DNAH12: variants seen among roughly 807,000 people sequenced by gnomAD.
DNAH12 encodes axonemal beta dynein heavy chain 12.
Under a neutral mutation model 371.5 loss-of-function variants are expected in DNAH12, and 285 were observed. That is an observed-to-expected ratio of 0.77 (90% CI 0.70 to 0.85). The LOEUF is 0.85. Among genes scored for constraint, DNAH12 ranks in the 40% least tolerant of loss-of-function variants. The probability of loss-of-function intolerance (pLI) is 0.00; values close to 1 mark genes in which losing one functional copy is unlikely to be tolerated. For synonymous variants in DNAH12, 1,200 were observed against 1,213.0 expected, an observed-to-expected ratio of 0.99 and a Z score of 0.22; for missense variants, 3,611 against 3,689.4, an observed-to-expected ratio of 0.98 and a Z score of 0.55.
chr3:57,317,748 T>C (rs184605361), intron 65 of DNAH12, among the ~76,000 whole-genome samples: 17 of 152,310 alleles, frequency 1.1e-4, no homozygotes. Context: ...GTCTCCATAC[T>C]GTTTTCCTTA....
At chr3:57,381,514 G>A (rs1021574934) in intron 50 of DNAH12, among the ~76,000 whole-genome samples, 1 of 152,006 alleles carries the variant, frequency 6.6e-6, no homozygotes, top group Non-Finnish European at 1.5e-5. Context: ...CTTATTGTTT[G>A]TGAGGCTTTA....
intron 29 of DNAH12, among the ~76,000 whole-genome samples, chr3:57,440,157 C>T (rs2153368589): frequency 6.6e-6 from 1 of 152,182 alleles, no homozygotes; most frequent in Non-Finnish European, 1.5e-5. Context: ...ACCATTTGAC[C>T]CAGCAATCCC....
At chr3:57,492,395 G>A (rs2067157885) in intron 11 of DNAH12, among the ~76,000 whole-genome samples, 2 of 151,636 alleles carry the variant, frequency 1.3e-5, no homozygotes, top group Admixed American at 6.6e-5. Context: ...AGGAAGCGGA[G>A]GTTGTGGTGA....
At chr3:57,525,928 A>AT in intron 2 of DNAH12, among the ~76,000 whole-genome samples, 1 of 151,682 alleles carries the variant, frequency 6.6e-6, no homozygotes, top group Non-Finnish European at 1.5e-5. Context: ...GGCCTGGCTA[A>AT]TTTTTTGTAT....
At chr3:57,507,234 A>T (rs1036717182) in intron 8 of DNAH12, among the ~76,000 whole-genome samples, 12 of 152,214 alleles carry the variant, frequency 7.9e-5, no homozygotes, top group East Asian at 7.7e-4. Flanking sequence ...AACTTTAAAA[A>T]TTTTTTCCAC....
chr3:57,476,905 C>A (rs9855598), intron 13 of DNAH12, among the ~76,000 whole-genome samples: 10,726 of 152,116 alleles, frequency 0.071, 1,292 homozygotes, highest in African/African-American at 0.24. Context: ...AGGACATACA[C>A]AAAATTAGTG....
rs1175109486 is a variant in DNAH12 at position 57,366,832 on chromosome 3, G to T, written c.9064C>A (p.His3022Asn). 1 of 152,154 alleles carries T rather than the reference G, an allele frequency of 6.6e-6. No homozygotes were observed. Among genetic ancestry groups the T allele is most frequent in the African/African-American group, 2.4e-5 (1 of 41,428 alleles). 9.4% of individuals were successfully genotyped at this position (152,154 alleles called of 1,614,324 possible). The change falls in exon 57 of 74, where the codon CAC becomes AAC. Residue 3022 changes from histidine (H) to asparagine (N), a missense_variant. Transcript: ENST00000495027. ...FYITTKLRNP[H>N]YMPELATKVS... Reference sequence around the variant, plus strand: ...TTTGTAGCCAGTTCTGGCATATAGTGCGGGTTTCTCAGTTTTGTGGTGATA... The same window carrying T: ...TTTGTAGCCAGTTCTGGCATATAGTTCGGGTTTCTCAGTTTTGTGGTGATA...
At chr3:57,307,442 CA>C (rs2061495901) in intron 69 of DNAH12, among the ~76,000 whole-genome samples, 1 of 152,178 alleles carries the variant, frequency 6.6e-6, no homozygotes, top group South Asian at 2.1e-4. Context: ...AATTCTTACA[CA>C]AGAACTGCGA....
chr3:57,528,502 G>A (rs1257270342), intron 2 of DNAH12, among the ~76,000 whole-genome samples: 1 of 149,008 alleles, frequency 6.7e-6, no homozygotes, highest in Non-Finnish European at 1.5e-5. Flanking sequence ...AAGGGGGGGG[G>A]ATCCCCTGAG....
At chr3:57,300,932 G>A (rs942657986) in intron 70 of DNAH12, among the ~76,000 whole-genome samples, 1 of 152,032 alleles carries the variant, frequency 6.6e-6, no homozygotes, top group Non-Finnish European at 1.5e-5. Context: ...GGAGGGCAGA[G>A]GGGGCATTCA....
At chr3:57,431,014 C>T (rs1300521772) in intron 32 of DNAH12, among the ~76,000 whole-genome samples, 1 of 152,206 alleles carries the variant, frequency 6.6e-6, no homozygotes, top group Non-Finnish European at 1.5e-5. Flanking sequence ...TGACTAGTAG[C>T]TACCTTCTCA....
At chr3:57,555,671 T>C in the DNAH12 span, among the ~76,000 whole-genome samples, 1 of 152,234 alleles carries the variant, frequency 6.6e-6, no homozygotes, top group East Asian at 1.9e-4. Flanking sequence ...GAGACCTACC[T>C]CATAAGAACT....
chr3:57,294,207 C>T (rs1007251199), intron 73 of DNAH12, among the ~76,000 whole-genome samples: 1 of 137,630 alleles, frequency 7.3e-6, no homozygotes, highest in East Asian at 2.1e-4. Flanking sequence ...GACTGAGTCT[C>T]ACTCTGTCAC....
rs1468738158 is a variant in DNAH12, at chr3:57,382,269, C to CCAGT, written c.7981_7984dup (p.Gly2662AspfsTer12). 6.6e-6 allele frequency: 1 copy of CCAGT among 152,158 alleles called. No homozygotes were observed. Among genetic ancestry groups the CCAGT allele is most frequent in the African/African-American group, 2.4e-5 (1 of 41,436 alleles). 9.4% of individuals were successfully genotyped at this position (152,158 alleles called of 1,614,324 possible). On this transcript the variant is annotated frameshift_variant, in exon 50 of 74. Coordinates refer to ENST00000495027, the MANE Select transcript of DNAH12 (RefSeq NM_001366028.2). LOFTEE classifies it high-confidence loss of function. Reference sequence around the variant, plus strand: ...TCTGTGTCAAGTTATTACCTTGCCTCCAGTCCCTGAAGGATCTGAAATTTT... The same window carrying CCAGT: ...TCTGTGTCAAGTTATTACCTTGCCTCCAGTCAGTCCCTGAAGGATCTGAAATTTT...
chr3:57,452,772 A>G (rs1019137774), intron 25 of DNAH12, 71 bp downstream of exon 25: 2 of 1,379,222 alleles, frequency 1.5e-6, no homozygotes, highest in African/African-American at 2.9e-5. Flanking sequence ...CAGGTAAGAC[A>G]AGAGAGAAAA....
chr3:57,481,768 A>G (rs979044000), intron 13 of DNAH12, among the ~76,000 whole-genome samples: 58 of 151,996 alleles, frequency 3.8e-4, no homozygotes, highest in Non-Finnish European at 7.8e-4. Flanking sequence ...ATAATGCCGC[A>G]TATCTACAAC....
chr3:57,503,888 T>G (rs2067650197), intron 9 of DNAH12, 128 bp downstream of exon 9: 1 of 792,046 alleles, frequency 1.3e-6, no homozygotes, highest in Non-Finnish European at 1.8e-6. Flanking sequence ...AGAAAGCAAT[T>G]TCTAATTTGA....
chr3:57,481,367 C>T, intron 13 of DNAH12, among the ~76,000 whole-genome samples: 1 of 152,052 alleles, frequency 6.6e-6, no homozygotes, highest in Non-Finnish European at 1.5e-5. Context: ...TTACAAGGGA[C>T]ATGAAGGACC....
In DNAH12 at chr3:57,520,159, C is replaced by T. The variant is rs146762006; in HGVS notation, c.279+3424G>A. ...CGGAGTTTCGCTCTTGTCGCCCAGA[C>T]TGGAGTGCAGTGGCGCAATCTCGGC... is the stretch of plus-strand genomic sequence containing the variant. On this transcript the variant is annotated intron_variant, in intron 4 of 73. Transcript: ENST00000495027. 1.9e-3 allele frequency: 773 copies of T among 409,842 alleles called. 7 individuals carry two copies. Among genetic ancestry groups the T allele is most frequent in the African/African-American group, 0.015 (728 of 48,804 alleles). The allele number at this position is 409,842 out of a possible 1,614,324, so 25.4% of individuals were successfully genotyped here. A position where few individuals can be genotyped will look rare whatever the true frequency, so the allele number is the denominator to read the frequency against.
Sources: gnomAD v4.1 joint callset for allele counts (sites outside exome capture counted in the v4.1 genomes callset) on GRCh38, gnomAD v4.1.1 for gene constraint, MANE v1.5 for transcripts, NCBI Gene and HGNC (gene_info 2026-07-23, HGNC 2026-07-21) for gene names.